Variants in AMPD2 observed in about 807,000 individuals in gnomAD.
AMPD2 encodes the protein AMP deaminase 2.
In AMPD2, 52 loss-of-function variants were observed where a neutral mutation model predicts 91.3. That is an observed-to-expected ratio of 0.57 (90% CI 0.46 to 0.72). The LOEUF (loss-of-function observed/expected upper bound fraction) is 0.72. AMPD2 is among the 30% of genes least tolerant of loss of function. The pLI is 0.00. For synonymous variants in AMPD2, 455 were observed against 456.4 expected (o/e 1.00, Z 0.04); for missense variants, 822 against 1,122.3 (o/e 0.73, Z 3.82).
Position 109,628,630 on chromosome 1 carries a change from A to G in AMPD2, c.1408-13A>G, listed in dbSNP as rs756321357. 3 of 1,612,578 alleles carry G rather than the reference A, an allele frequency of 1.9e-6. No homozygotes were observed. Among genetic ancestry groups the G allele is most frequent in the African/African-American group, 2.7e-5 (2 of 74,866 alleles). On this transcript the variant is annotated splice_polypyrimidine_tract_variant and intron_variant, in intron 12 of 18. Coordinates refer to ENST00000528667, the MANE Select transcript of AMPD2 (RefSeq NM_001368809.2). The surrounding 1 kb of genome is among the most constrained non-coding windows in gnomAD (Gnocchi z 7.1). ...GCTCACCTCATGTCTGACTCAGCTC[A>G]CCTCATGTCTAGGAGGTGATGTCAG...
rs145774793 is a variant in AMPD2 at position 109,625,466 on chromosome 1, G to A, written c.222+33G>A. On this transcript the variant is annotated intron_variant, in intron 3 of 18. Coordinates refer to ENST00000528667, the MANE Select transcript of AMPD2 (RefSeq NM_001368809.2). This position sits in a 1 kb window ranked among gnomAD's most constrained non-coding sequence, Gnocchi z 4.0. Reference sequence around the variant, plus strand: ...CTGGCACCACCCGCACCCTCACCCCGTGTCTCCATGCCCTGCCTCTGCTCC... The same window carrying A: ...CTGGCACCACCCGCACCCTCACCCCATGTCTCCATGCCCTGCCTCTGCTCC... The A allele has an allele frequency of 9.9e-3, 15,958 of 1,613,356 alleles. 209 individuals carry two copies. Among genetic ancestry groups the A allele is most frequent in the Admixed American group, 0.065 (3,907 of 59,970 alleles).
Position 109,627,779 on chromosome 1 carries a change from C to A in AMPD2, c.956C>A (p.Ser319Ter). The change falls in exon 10 of 19, where the codon TCA (serine) becomes TAA (stop). Residue 319 changes from serine to a stop codon, truncating the protein, a stop_gained. Coordinates refer to ENST00000528667, the MANE Select transcript of AMPD2 (RefSeq NM_001368809.2). LOFTEE classifies it high-confidence loss of function. ...MALIINGPIK[S>*]FCYRRLQYLS... is the part of the protein sequence containing the mutation. ...CTTGTTCTCCTCATGCCCAGAAAGTCATTCTGCTACCGCCGGCTGCAGTAC... is the reference window on the plus strand; with the variant it reads ...CTTGTTCTCCTCATGCCCAGAAAGTAATTCTGCTACCGCCGGCTGCAGTAC... 1 of 1,614,008 alleles carries A rather than the reference C, an allele frequency of 6.2e-7. No homozygotes were observed. The highest frequency in any genetic ancestry group is 1.1e-5 in the South Asian group (1 of 91,038).
Position 109,626,802 on chromosome 1 carries a change from T to C in AMPD2, c.608T>C (p.Leu203Pro). 6.2e-7 allele frequency: 1 copy of C among 1,613,830 alleles called. No homozygotes were observed. The highest frequency in any genetic ancestry group is 8.5e-7 in the Non-Finnish European group (1 of 1,179,908). ...ALFIREKYMA[L>P]SLQSFCPTTR... ...TTCATCCGGGAGAAGTACATGGCCC[T>C]GTCCCTGCAGAGCTTCTGCCCCACC... Residue 203 changes from leucine (L) to proline (P), a missense_variant, in exon 7 of 19, where the codon CTG becomes CCG. Coordinates refer to ENST00000528667, the MANE Select transcript of AMPD2 (RefSeq NM_001368809.2).
chr1:109,627,157 CCCT>C lies in AMPD2; in HGVS notation c.719-13_719-11del, dbSNP rs776931983. 3.1e-6 allele frequency: 5 copies of C among 1,611,970 alleles called. No homozygotes were observed. The South Asian group carries it at 5.5e-5, about 18-fold the overall frequency. The stretch of plus-strand genomic sequence containing the variant: ...TTGGAAGAGCCCTGCTCTGACTTTA[CCCT>C]CCTCACCCCTGCAGATGCCCCGGTG... On this transcript the variant is annotated splice_polypyrimidine_tract_variant and intron_variant, in intron 7 of 18. Transcript: ENST00000528667.
chr1:109,622,749 C>G (rs1032743419), intron 2 of AMPD2, among the ~76,000 whole-genome samples: 1 of 152,010 alleles, frequency 6.6e-6, no homozygotes. Context: ...AGCCTGAGAC[C>G]CCCCTGCTAG....
chr1:109,623,053 T>C (rs1325975375), intron 2 of AMPD2, among the ~76,000 whole-genome samples: 1 of 152,184 alleles, frequency 6.6e-6, no homozygotes, highest in African/African-American at 2.4e-5. Context: ...TACTGGCCTA[T>C]TGCCTTTGCC....
At chr1:109,620,632 G>T in intron 1 of AMPD2, 1 of 1,206,774 alleles carries the variant, frequency 8.3e-7, no homozygotes, top group Non-Finnish European at 1.0e-6. Context: ...CGGGAGCTGA[G>T]GGTCAGATGT....
At position 109,625,295 on chromosome 1, in the gene AMPD2, C is replaced by T. The variant is rs1172210066; in HGVS notation, c.92-8C>T. ...CACCCTTTGACCCTGGCATCACTGTCTCTGCAGAGGCTCGGGGTGGTCTGG... is the reference window on the plus strand; with the variant it reads ...CACCCTTTGACCCTGGCATCACTGTTTCTGCAGAGGCTCGGGGTGGTCTGG... On this transcript the variant is annotated splice_region_variant and splice_polypyrimidine_tract_variant and intron_variant, in intron 2 of 18. Transcript: ENST00000528667. This position sits in a 1 kb window ranked among gnomAD's most constrained non-coding sequence, Gnocchi z 4.0. 6.2e-7 allele frequency: 1 copy of T among 1,612,508 alleles called. No homozygotes were observed. Among genetic ancestry groups the T allele is most frequent in the East Asian group, 2.2e-5 (1 of 44,874 alleles).
rs1461851428 is a variant in AMPD2 at position 109,630,778 on chromosome 1, C to T, written c.2253C>T (p.Ser751=). Reference sequence around the variant, plus strand: ...TGGCCCGCAACAGCGTGCTCATGAGCGGCTTCTCGCACAAGGTACTACAGC... The same window carrying T: ...TGGCCCGCAACAGCGTGCTCATGAGTGGCTTCTCGCACAAGGTACTACAGC... ...CELARNSVLM[S]GFSHKVKSHW... is the part of the protein sequence containing the mutation. The change falls in exon 18 of 19, where the codon AGC becomes AGT. Residue 751 remains serine (S), a synonymous_variant. Transcript: ENST00000528667. 1.1e-5 allele frequency: 17 copies of T among 1,608,746 alleles called. No homozygotes were observed. Among genetic ancestry groups the T allele is most frequent in the Non-Finnish European group, 1.4e-5 (16 of 1,177,900 alleles).
In AMPD2 at chr1:109,627,353, G is replaced by A. The variant is rs116493224; in HGVS notation, c.860+37G>A. On this transcript the variant is annotated intron_variant, in intron 8 of 18. Transcript: ENST00000528667. ...GTGGTGCATGTTGGGGGGATGCAGCGTGGGAGGTTGCGTTGGCTTGGGAGA... is the reference window on the plus strand; with the variant it reads ...GTGGTGCATGTTGGGGGGATGCAGCATGGGAGGTTGCGTTGGCTTGGGAGA... The A allele has an allele frequency of 6.1e-3, 9,796 of 1,612,520 alleles. 504 individuals carry two copies. In the African/African-American group the frequency reaches 0.11, roughly 19 times the overall value.
Position 109,628,887 on chromosome 1 carries a change from G to T in AMPD2, c.1571+81G>T. ...GCCTGCCTCCTGCCCTCCTAGGATGGCTGAGCCTCCCTTGTCCCTGCCAAC... is the reference window on the plus strand; with the variant it reads ...GCCTGCCTCCTGCCCTCCTAGGATGTCTGAGCCTCCCTTGTCCCTGCCAAC... On this transcript the variant is annotated intron_variant, in intron 13 of 18. Transcript: ENST00000528667. This position sits in a 1 kb window ranked among gnomAD's most constrained non-coding sequence, Gnocchi z 7.1. 1.3e-6 allele frequency: 2 copies of T among 1,493,868 alleles called. No individual in the cohort carries two copies. The highest frequency in any genetic ancestry group is 1.8e-6 in the Non-Finnish European group (2 of 1,115,240). The allele number at this position is 1,493,868 out of a possible 1,614,324, so 92.5% of individuals were successfully genotyped here.
At position 109,630,425 on chromosome 1, in the gene AMPD2, GC is replaced by G; in HGVS notation, c.2157+21del. The G allele has an allele frequency of 1.9e-6, 3 of 1,591,156 alleles. No individual in the cohort carries two copies. Among genetic ancestry groups the G allele is most frequent in the Non-Finnish European group, 2.6e-6 (3 of 1,168,610 alleles). On this transcript the variant is annotated intron_variant, in intron 17 of 18. Transcript: ENST00000528667. Reference sequence around the variant, plus strand: ...CACCAAGGTCAGAGCCCAGCAGGCAGCCAGGCGGGCGGGCGTCCCAGGACGC... The same window carrying G: ...CACCAAGGTCAGAGCCCAGCAGGCAGCAGGCGGGCGGGCGTCCCAGGACGC...
rs942102155 is a variant in AMPD2, at chr1:109,624,878, T to A, written c.92-425T>A. 6.6e-6 allele frequency among the ~76,000 whole-genome samples: 1 copy of A among 152,098 alleles called. No homozygotes were observed. The highest frequency in any genetic ancestry group is 1.5e-5 in the Non-Finnish European group (1 of 67,994). On this transcript the variant is annotated intron_variant, in intron 2 of 18. Transcript: ENST00000528667. This position sits in a 1 kb window ranked among gnomAD's most constrained non-coding sequence, Gnocchi z 5.2. ...CTGGGAGCTGCAGGCTGGGGGTCCC[T>A]GGTGTGGCCGCCTGGTCCTTACCAA...
rs1651180080 is a variant in AMPD2 at position 109,630,801 on chromosome 1, A to G, written c.2268+8A>G. The G allele has an allele frequency of 6.2e-7, 1 of 1,603,402 alleles. No individual in the cohort carries two copies. Among genetic ancestry groups the G allele is most frequent in the Non-Finnish European group, 8.5e-7 (1 of 1,175,206 alleles). On this transcript the variant is annotated splice_region_variant and intron_variant, in intron 18 of 18. Transcript: ENST00000528667. ...AGCGGCTTCTCGCACAAGGTACTAC[A>G]GCGCCTGCCTGGACCTTGGCATGGC...
intron 18 of AMPD2, 67 bp downstream of exon 18, chr1:109,630,860 G>C: frequency 4.4e-6 from 7 of 1,597,724 alleles, no homozygotes; most frequent in Non-Finnish European, 5.1e-6. Context: ...TTGGGGTCCT[G>C]ACCTGTCCCT....
At position 109,620,180 on chromosome 1, in the gene AMPD2, G is replaced by A; in HGVS notation, c.-361G>A. On this transcript the variant is annotated 5_prime_UTR_variant, in exon 1 of 19. The change creates a new upstream start codon in the 5' untranslated region. Transcript: ENST00000528667. ...CCTTGGAGTGACTTGGCTGGGGTCT[G>A]TGGCCCGATCCCCCTGCCGTCCCTC... 1.9e-6 allele frequency: 3 copies of A among 1,582,176 alleles called. No homozygotes were observed. The highest frequency in any genetic ancestry group is 1.1e-5 in the South Asian group (1 of 90,408).
Position 109,625,803 on chromosome 1 carries a change from C to G in AMPD2, c.353+11C>G. The stretch of plus-strand genomic sequence containing the variant: ...CAGCCAGGATGTCAAGTGAGCCCGG[C>G]AGGCAGCTGCTTAGTCTCCCTCCAT... On this transcript the variant is annotated intron_variant, in intron 4 of 18. Transcript: ENST00000528667. The surrounding 1 kb of genome is among the most constrained non-coding windows in gnomAD (Gnocchi z 4.0). 1.9e-6 allele frequency: 3 copies of G among 1,613,856 alleles called. No individual in the cohort carries two copies. The highest frequency in any genetic ancestry group is 2.5e-6 in the Non-Finnish European group (3 of 1,179,952).
rs534397429 is a variant in AMPD2, at chr1:109,624,716, C to A, written c.92-587C>A. On this transcript the variant is annotated intron_variant, in intron 2 of 18. Coordinates refer to ENST00000528667, the MANE Select transcript of AMPD2 (RefSeq NM_001368809.2). The surrounding 1 kb of genome is among the most constrained non-coding windows in gnomAD (Gnocchi z 5.2). The stretch of plus-strand genomic sequence containing the variant: ...TTCCTCTCCTCTTCCCTTGAGGGCT[C>A]GTCCCTAGGTCAGAGCTGAGCAGCA... Among the ~76,000 whole-genome samples the A allele has an allele frequency of 6.6e-6, 1 of 152,302 alleles. No individual in the cohort carries two copies. Among genetic ancestry groups the A allele is most frequent in the East Asian group, 1.9e-4 (1 of 5,170 alleles).
rs1420711989 is a variant in AMPD2, at chr1:109,629,382, A to G, written c.1754A>G (p.Asn585Ser). The G allele has an allele frequency of 1.2e-6, 2 of 1,613,988 alleles. No homozygotes were observed. Among genetic ancestry groups the G allele is most frequent in the African/African-American group, 2.7e-5 (2 of 74,894 alleles). Reference protein sequence around the residue: ...DESKPENHVFNLESPLPEAWV... With the variant: ...DESKPENHVFSLESPLPEAWV... ...TCCAAGCCTGAAAACCATGTCTTCAACCTGGAGAGCCCCCTGCCTGAGGCG... is the reference window on the plus strand; with the variant it reads ...TCCAAGCCTGAAAACCATGTCTTCAGCCTGGAGAGCCCCCTGCCTGAGGCG... The change falls in exon 15 of 19, where the codon AAC becomes AGC. Residue 585 changes from asparagine to serine, a missense_variant. Physicochemically the swap from Asn to Ser is conservative, Grantham distance 46 (BLOSUM62 1). Around this residue, in one of 5 missense-constraint regions of AMPD2, gnomAD observed 430 missense variants for 606.0 expected, o/e 0.71. Coordinates refer to ENST00000528667, the MANE Select transcript of AMPD2 (RefSeq NM_001368809.2).
Sources: allele counts gnomAD v4.1 joint callset (sites outside exome capture counted in the v4.1 genomes callset), GRCh38; gene constraint gnomAD v4.1.1; regional missense constraint gnomAD v4.1.1; non-coding constraint Gnocchi (gnomAD v3.1); transcripts MANE v1.5; gene names NCBI Gene and HGNC (gene_info 2026-07-23, HGNC 2026-07-21).